PLCG2: variants seen among roughly 807,000 people sequenced by gnomAD.
The protein encoded by PLCG2 is phospholipase C gamma 2.
In PLCG2, 69 loss-of-function variants were observed where a neutral mutation model predicts 175.6. The observed-to-expected ratio is 0.39, with a 90% CI of 0.32 to 0.48. PLCG2 has a LOEUF of 0.48. Among genes scored for constraint, PLCG2 ranks in the 20% least tolerant of loss-of-function variants. The pLI is 0.91. For synonymous variants in PLCG2, 827 were observed against 624.0 expected (o/e 1.33, Z -4.85); for missense variants, 1,798 against 1,650.9 (o/e 1.09, Z -1.54).
chr16:81,770,554 A>T (rs1184871354), intron 2 of PLCG2, among the ~76,000 whole-genome samples: 1 of 152,124 alleles, frequency 6.6e-6, no homozygotes, highest in Non-Finnish European at 1.5e-5. Context: ...CTCTATAAAT[A>T]AATACAAACA....
At chr16:81,913,705 G>A (rs1180717496) in intron 19 of PLCG2, among the ~76,000 whole-genome samples, 2 of 152,214 alleles carry the variant, frequency 1.3e-5, no homozygotes, top group Non-Finnish European at 2.9e-5. Context: ...CCACATGGGC[G>A]CGGTGGTGCT....
chr16:81,817,009 G>A lies in PLCG2; in HGVS notation c.193+30827G>A, dbSNP rs961211094. Among the ~76,000 whole-genome samples the A allele has an allele frequency of 8.5e-5, 13 of 152,196 alleles. No individual in the cohort carries two copies. In the South Asian group the frequency reaches 2.1e-3, roughly 24 times the overall value. On this transcript the variant is annotated intron_variant, in intron 2 of 32. Coordinates refer to ENST00000564138, the MANE Select transcript of PLCG2 (RefSeq NM_002661.5). The stretch of plus-strand genomic sequence containing the variant: ...ACCCATTTATTGCCCAGAAGGTGAC[G>A]GGCACTGGATGCGTTAGATGCTGGG...
At position 81,798,094 on chromosome 16, in the gene PLCG2, G is replaced by A. The variant is rs111841794; in HGVS notation, c.193+11912G>A. Among the ~76,000 whole-genome samples, 385 of 152,298 alleles carry A rather than the reference G, an allele frequency of 2.5e-3. 1 individual carries two copies. Among genetic ancestry groups the A allele is most frequent in the African/African-American group, 8.9e-3 (370 of 41,562 alleles). Reference sequence around the variant, plus strand: ...GATCTGCCTGCATTGGCCTCCCAAAGTGTTGGGATTACAGGTGTGAGTCAC... The same window carrying A: ...GATCTGCCTGCATTGGCCTCCCAAAATGTTGGGATTACAGGTGTGAGTCAC... On this transcript the variant is annotated intron_variant, in intron 2 of 32. Coordinates refer to ENST00000564138, the MANE Select transcript of PLCG2 (RefSeq NM_002661.5).
rs571508648 is a variant in PLCG2 at position 81,797,115 on chromosome 16, G to A, written c.193+10933G>A. Among the ~76,000 whole-genome samples the A allele has an allele frequency of 1.9e-4, 29 of 152,342 alleles. No individual in the cohort carries two copies. The South Asian group carries it at 5.6e-3, about 29-fold the overall frequency. On this transcript the variant is annotated intron_variant, in intron 2 of 32. Transcript: ENST00000564138. ...AGGGTGTAAGAGGGAATACAGTGTAGTGGGTAAACGAGGGAGGCAGCATTT... is the reference window on the plus strand; with the variant it reads ...AGGGTGTAAGAGGGAATACAGTGTAATGGGTAAACGAGGGAGGCAGCATTT...
At chr16:81,745,007 T>C (rs978776499) in intron 1 of PLCG2, among the ~76,000 whole-genome samples, 7 of 152,190 alleles carry the variant, frequency 4.6e-5, no homozygotes, top group African/African-American at 2.4e-5. Context: ...CCCTGGACTT[T>C]AAAAATAATG....
At position 81,962,593 on chromosome 16, in the gene PLCG2, AAGTG is replaced by A. The variant is rs1488749228; in HGVS notation, c.*4597_*4600del. On this transcript the variant is annotated 3_prime_UTR_variant, in exon 33 of 33. Coordinates refer to ENST00000564138, the MANE Select transcript of PLCG2 (RefSeq NM_002661.5). ...ATGTGCTTTGTGTACATAGAGAATT[AAGTG>A]AATGAGTCACACAGATGTTGGCTGT... The A allele has an allele frequency of 1.3e-5, 3 of 222,656 alleles. No homozygotes were observed. Among genetic ancestry groups the A allele is most frequent in the Non-Finnish European group, 2.7e-5 (3 of 111,578 alleles). The allele number at this position is 222,656 out of a possible 1,614,324, so 13.8% of individuals were successfully genotyped here.
At chr16:81,923,434 C>A in intron 21 of PLCG2, 51 bp from the exon 22 acceptor site, 1 of 1,148,010 alleles carries the variant, frequency 8.7e-7, no homozygotes, top group South Asian at 1.3e-5. Context: ...CAGCCGCCTC[C>A]CTCCCCTCCT....
rs910234191 is a variant in PLCG2 at position 81,931,423 on chromosome 16, C to T, written c.2582-74C>T. ...TGGTTGGTCCATGAGAGAAACAGCT[C>T]AGGCAGGGTGCAGTCTGGTCTTTGT... On this transcript the variant is annotated intron_variant, in intron 24 of 32. Coordinates refer to ENST00000564138, the MANE Select transcript of PLCG2 (RefSeq NM_002661.5). 2.7e-6 allele frequency: 4 copies of T among 1,461,650 alleles called. No homozygotes were observed. The African/African-American group carries it at 5.6e-5, about 20-fold the overall frequency. 90.5% of individuals were successfully genotyped at this position (1,461,650 alleles called of 1,614,324 possible). A position where few individuals can be genotyped will look rare whatever the true frequency, so the allele number is the denominator to read the frequency against.
At chr16:81,885,753 A>G (rs1597107533) in intron 9 of PLCG2, among the ~76,000 whole-genome samples, 3 of 152,298 alleles carry the variant, frequency 2.0e-5, no homozygotes, top group Non-Finnish European at 4.4e-5. Context: ...ATGAGTAGAG[A>G]AGACATGTTT....
In PLCG2 at chr16:81,911,756, G is replaced by A. The variant is rs532669659; in HGVS notation, c.1935-841G>A. On this transcript the variant is annotated intron_variant, in intron 18 of 32. Transcript: ENST00000564138. Reference sequence around the variant, plus strand: ...CTCCTGAGTAGCTGGTATTATAGGCGCACGCCACTGGGCCTGGCTAATTTT... The same window carrying A: ...CTCCTGAGTAGCTGGTATTATAGGCACACGCCACTGGGCCTGGCTAATTTT... Among the ~76,000 whole-genome samples the A allele has an allele frequency of 8.1e-5, 12 of 148,982 alleles. No individual in the cohort carries two copies. In the South Asian group the frequency reaches 2.5e-3, roughly 32 times the overall value.
chr16:81,853,768 T>C (rs1187087326), intron 2 of PLCG2, among the ~76,000 whole-genome samples: 1 of 152,152 alleles, frequency 6.6e-6, no homozygotes, highest in African/African-American at 2.4e-5. Flanking sequence ...GCTGGCTATA[T>C]AAGGCATAAA....
chr16:81,934,608 G>C lies in PLCG2; in HGVS notation c.2842+77G>C, dbSNP rs1597142415. On this transcript the variant is annotated intron_variant, in intron 26 of 32. Transcript: ENST00000564138. ...CCTTTAGAGTCTGATATTTTCAGAGGGGGCAGAGAGTGCATTCTCTCATTC... is the reference window on the plus strand; with the variant it reads ...CCTTTAGAGTCTGATATTTTCAGAGCGGGCAGAGAGTGCATTCTCTCATTC... 8.0e-6 allele frequency: 7 copies of C among 879,454 alleles called. No homozygotes were observed. The East Asian group carries it at 1.3e-4, about 16-fold the overall frequency. The allele number at this position is 879,454 out of a possible 1,614,324, so 54.5% of individuals were successfully genotyped here.
rs1910959009 is a variant in PLCG2 at position 81,786,109 on chromosome 16, G to C, written c.120G>C (p.Arg40=). ...GCTTCCGCAAGTCCACCCCCGAGCG[G>C]AGAACCGTCCAGGTGATCATGGAGA... is the stretch of plus-strand genomic sequence containing the variant. ...VFSFRKSTPE[R]RTVQVIMETR... The change falls in exon 2 of 33, where the codon CGG becomes CGC. Residue 40 remains arginine, a synonymous_variant. Coordinates refer to ENST00000564138, the MANE Select transcript of PLCG2 (RefSeq NM_002661.5). 3.1e-6 allele frequency: 5 copies of C among 1,614,216 alleles called. No homozygotes were observed. Among genetic ancestry groups the C allele is most frequent in the African/African-American group, 1.3e-5 (1 of 75,056 alleles).
chr16:81,812,144 G>T (rs1460902463), intron 2 of PLCG2, among the ~76,000 whole-genome samples: 2 of 149,624 alleles, frequency 1.3e-5, no homozygotes, highest in Non-Finnish European at 3.0e-5. Context: ...CCGCCTCCTG[G>T]GTTCACGCCA....
chr16:81,784,922 G>A (rs571357760), intron 1 of PLCG2, among the ~76,000 whole-genome samples: 4 of 152,194 alleles, frequency 2.6e-5, no homozygotes, highest in African/African-American at 9.6e-5. Flanking sequence ...CAGAATGAGG[G>A]AATGGTACAG....
intron 19 of PLCG2, among the ~76,000 whole-genome samples, chr16:81,914,286 C>T (rs1245902661): frequency 1.3e-5 from 2 of 152,218 alleles, no homozygotes; most frequent in African/African-American, 2.4e-5. Context: ...GGTCAGGATG[C>T]CACCTGTATG....
At chr16:81,852,759 G>A (rs1906482209) in intron 2 of PLCG2, among the ~76,000 whole-genome samples, 1 of 152,216 alleles carries the variant, frequency 6.6e-6, no homozygotes, top group African/African-American at 2.4e-5. Context: ...TCTGGGCATG[G>A]GTGGGGACTG....
Position 81,842,360 on chromosome 16 carries a change from C to T in PLCG2, c.194-12084C>T, listed in dbSNP as rs73590839. Reference sequence around the variant, plus strand: ...ATGTGGATATTCACATATCATATGCCGGCCTGGACAGGGCCTGTCCTCCCT... The same window carrying T: ...ATGTGGATATTCACATATCATATGCTGGCCTGGACAGGGCCTGTCCTCCCT... On this transcript the variant is annotated intron_variant, in intron 2 of 32. Coordinates refer to ENST00000564138, the MANE Select transcript of PLCG2 (RefSeq NM_002661.5). Among the ~76,000 whole-genome samples, 1,513 of 152,250 alleles carry T rather than the reference C, an allele frequency of 9.9e-3. 31 individuals are homozygous for T. Among genetic ancestry groups the T allele is most frequent in the African/African-American group, 0.034 (1,422 of 41,538 alleles).
At chr16:81,902,832 C>G (rs1020184945) in intron 14 of PLCG2, among the ~76,000 whole-genome samples, 1 of 152,142 alleles carries the variant, frequency 6.6e-6, no homozygotes, top group African/African-American at 2.4e-5. Context: ...TGTCAGAAGG[C>G]AAAGGAGGAG....
Sources: allele counts gnomAD v4.1 joint callset (sites outside exome capture counted in the v4.1 genomes callset), GRCh38; gene constraint gnomAD v4.1.1; transcripts MANE v1.5; gene names NCBI Gene and HGNC (gene_info 2026-07-23, HGNC 2026-07-21).